PCNX1: variants seen among roughly 807,000 people sequenced by gnomAD.
The protein encoded by PCNX1 is pecanex 1.
In PCNX1, 78 loss-of-function variants were observed where a neutral mutation model predicts 242.2. That is an observed-to-expected ratio of 0.32 (90% CI 0.27 to 0.39). The LOEUF (loss-of-function observed/expected upper bound fraction) is 0.39, where lower values mean the gene tolerates loss of function less well. Ranked by LOEUF, PCNX1 falls within the 10% of genes least tolerant of loss-of-function variation. The pLI is 1.00. For synonymous variants in PCNX1, 1,024 were observed against 1,032.9 expected (o/e 0.99, Z 0.17); for missense variants, 2,581 against 2,856.5 (o/e 0.90, Z 2.20).
intron 5 of PCNX1, among the ~76,000 whole-genome samples, chr14:70,974,103 C>T (rs1399537617): frequency 6.6e-6 from 1 of 151,152 alleles, no homozygotes; most frequent in African/African-American, 2.4e-5. Context: ...TTTCATTTAC[C>T]TTATTCTGGC....
At chr14:70,979,446 G>A (rs919421146) in intron 6 of PCNX1, among the ~76,000 whole-genome samples, 15 of 150,098 alleles carry the variant, frequency 1.0e-4, no homozygotes, top group African/African-American at 3.6e-4. Flanking sequence ...TTCTTGCTGT[G>A]TTCTTCTGCC....
chr14:70,933,826 T>A (rs1180622172), intron 1 of PCNX1, among the ~76,000 whole-genome samples: 1 of 152,182 alleles, frequency 6.6e-6, no homozygotes, highest in Non-Finnish European at 1.5e-5. Context: ...TAGAAGTTAG[T>A]TGACATTAAG....
At position 71,073,573 on chromosome 14, in the gene PCNX1, G is replaced by A. The variant is rs747512083; in HGVS notation, c.4881G>A (p.Glu1627=). ...CCTACTGTCAACAACGGGAAGTGGA[G>A]GCCATTACTGAAGGTGTAGAGGAAG... ...RGTYCQQREV[E]AITEGVEEDE... is the part of the protein sequence containing the mutation. The change falls in exon 27 of 36, where the codon GAG becomes GAA. Residue 1627 remains glutamate, a synonymous_variant. Transcript: ENST00000304743. 19 of 1,612,938 alleles carry A rather than the reference G, an allele frequency of 1.2e-5. No individual in the cohort carries two copies. In the Admixed American group the frequency reaches 2.8e-4, roughly 24 times the overall value.
chr14:70,910,434 C>A (rs1486471861), intron 1 of PCNX1, among the ~76,000 whole-genome samples: 1 of 151,700 alleles, frequency 6.6e-6, no homozygotes, highest in African/African-American at 2.4e-5. Context: ...TCTCTTGTCT[C>A]AACCACACAC....
intron 27 of PCNX1, among the ~76,000 whole-genome samples, chr14:71,074,988 CTCT>C (rs1423043060): frequency 8.1e-5 from 11 of 135,050 alleles, no homozygotes; most frequent in Non-Finnish European, 1.7e-4. Context: ...TTCTTTTCTT[CTCT>C]TTTTTTTTTT....
chr14:70,961,104 A>G (rs1204553341), intron 2 of PCNX1, among the ~76,000 whole-genome samples: 4 of 152,236 alleles, frequency 2.6e-5, no homozygotes, highest in Non-Finnish European at 4.4e-5. Context: ...GGTAATTTAT[A>G]GATTCAATGC....
rs753687581 is a variant in PCNX1 at position 70,978,213 on chromosome 14, T to C, written c.1876T>C (p.Ser626Pro). The change falls in exon 6 of 36, where the codon TCT becomes CCT. Residue 626 changes from serine to proline, a missense_variant. By Grantham distance (74) the Ser-to-Pro change is moderately conservative. Around this residue, in one of 9 missense-constraint regions of PCNX1, gnomAD observed 1,204 missense variants for 1,216.7 expected, o/e 0.99. Transcript: ENST00000304743. ...TCACCAGTTCAGCAGTGATAGCTCTTCTAGCACCACTTCTCATTCCTGTCA... is the reference window on the plus strand; with the variant it reads ...TCACCAGTTCAGCAGTGATAGCTCTCCTAGCACCACTTCTCATTCCTGTCA... ...SAHQFSSDSS[S>P]STTSHSCQSP... 6 of 1,614,104 alleles carry C rather than the reference T, an allele frequency of 3.7e-6. No homozygotes were observed. The highest frequency in any genetic ancestry group is 4.2e-6 in the Non-Finnish European group (5 of 1,179,994).
chr14:71,093,345 G>A (rs1336185781), intron 30 of PCNX1: 1 of 151,282 alleles, frequency 6.6e-6, no homozygotes, highest in Non-Finnish European at 1.5e-5. Context: ...GGGTGATGAA[G>A]GATTACAAGG....
intron 5 of PCNX1, 73 bp from the exon 6 acceptor site, chr14:70,976,869 C>G: frequency 7.7e-7 from 1 of 1,293,472 alleles, no homozygotes; most frequent in Non-Finnish European, 1.1e-6. Context: ...GCAGTGAATT[C>G]TTTCCATTGT....
At chr14:71,079,976 G>C (rs2061812046) in intron 28 of PCNX1, among the ~76,000 whole-genome samples, 3 of 152,152 alleles carry the variant, frequency 2.0e-5, no homozygotes. Context: ...TATTGCCTAG[G>C]TTTTCTTCTA....
Position 71,114,511 on chromosome 14 carries a change from A to G in PCNX1, c.*4576A>G, listed in dbSNP as rs1302985827. ...AACAATTTATCTTTATTGCCTACAT[A>G]CAACATACTTTTTCTGAATTAAGAT... On this transcript the variant is annotated 3_prime_UTR_variant, in exon 36 of 36. Coordinates refer to ENST00000304743, the MANE Select transcript of PCNX1 (RefSeq NM_014982.3). The G allele has an allele frequency of 1.3e-5, 2 of 152,628 alleles. No individual in the cohort carries two copies. Among genetic ancestry groups the G allele is most frequent in the Non-Finnish European group, 2.9e-5 (2 of 68,050 alleles). 9.5% of individuals were successfully genotyped at this position (152,628 alleles called of 1,614,324 possible).
At chr14:70,955,722 C>T (rs1329033646) in intron 2 of PCNX1, among the ~76,000 whole-genome samples, 1 of 152,190 alleles carries the variant, frequency 6.6e-6, no homozygotes, top group Non-Finnish European at 1.5e-5. Context: ...TGCTGCAAAC[C>T]TGCAAGTCTT....
chr14:71,067,345 G>A (rs979137517), intron 26 of PCNX1, among the ~76,000 whole-genome samples: 3 of 152,114 alleles, frequency 2.0e-5, no homozygotes, highest in South Asian at 2.1e-4. Flanking sequence ...ATGTGGGAGG[G>A]TGTATGTGTC....
At chr14:71,028,678 A>ACCTTTT in intron 15 of PCNX1, 22 bp from the exon 16 acceptor site, 1 of 1,434,634 alleles carries the variant, frequency 7.0e-7, no homozygotes, top group Non-Finnish European at 9.7e-7. Flanking sequence ...AATGTTTCTT[A>ACCTTTT]CCTTTTCCTT....
rs76220323 is a variant in PCNX1 at position 71,024,824 on chromosome 14, G to C, written c.3184-1293G>C. 9.0e-3 allele frequency among the ~76,000 whole-genome samples: 1,364 copies of C among 152,248 alleles called. 9 individuals are homozygous for C. Among genetic ancestry groups the C allele is most frequent in the Non-Finnish European group, 0.012 (842 of 68,016 alleles). ...CTGGTAGCACCACTTCCCCAATTGT[G>C]ACAACAGAAATGTGTCCAGATATTC... On this transcript the variant is annotated intron_variant, in intron 13 of 35. Coordinates refer to ENST00000304743, the MANE Select transcript of PCNX1 (RefSeq NM_014982.3).
Position 71,076,420 on chromosome 14 carries a change from G to T in PCNX1, c.5337+1G>T. On this transcript the variant is annotated splice_donor_variant, in intron 28 of 35. Transcript: ENST00000304743. LOFTEE classifies it high-confidence loss of function. ...GTACTGCTCTTCCCGAAGAGCAAAG[G>T]TAGAGTTTATTTCATTTATAACTCT... 1 of 1,564,460 alleles carries T rather than the reference G, an allele frequency of 6.4e-7. No individual in the cohort carries two copies.
intron 22 of PCNX1, among the ~76,000 whole-genome samples, chr14:71,048,623 A>G (rs2060933121): frequency 6.6e-6 from 1 of 152,250 alleles, no homozygotes; most frequent in South Asian, 2.1e-4. Flanking sequence ...AACACTGACC[A>G]CATACAAAGG....
intron 8 of PCNX1, 44 bp from the exon 9 acceptor site, chr14:71,009,590 C>CT (rs773909651): frequency 1.8e-6 from 2 of 1,132,112 alleles, no homozygotes; most frequent in African/African-American, 3.1e-5. Flanking sequence ...AGGAAAAATT[C>CT]TGAGTATTCT....
At chr14:70,974,292 G>A (rs901548255) in intron 5 of PCNX1, among the ~76,000 whole-genome samples, 10 of 143,262 alleles carry the variant, frequency 7.0e-5, no homozygotes, top group Non-Finnish European at 1.1e-4. Flanking sequence ...TGCCCAGGAT[G>A]GAGTGTGCAG....
Sources: gnomAD v4.1 joint callset for allele counts (sites outside exome capture counted in the v4.1 genomes callset) on GRCh38, gnomAD v4.1.1 for gene constraint, gnomAD v4.1.1 regional missense constraint, MANE v1.5 for transcripts, NCBI Gene and HGNC (gene_info 2026-07-23, HGNC 2026-07-21) for gene names.